DNAH7: variants seen among roughly 807,000 people sequenced by gnomAD.
DNAH7 encodes axonemal beta dynein heavy chain 7.
In DNAH7, 397 loss-of-function variants were observed where a neutral mutation model predicts 444.6. The observed-to-expected ratio is 0.89, with a 90% confidence interval of 0.82 to 0.97. The LOEUF is 0.97. DNAH7 is among the 50% of genes least tolerant of loss of function. The pLI is 0.00. For missense variants in DNAH7, 4,902 were observed against 4,800.8 expected, an observed-to-expected ratio of 1.02 and a Z score of -0.62; for synonymous variants, 1,636 against 1,624.4, an observed-to-expected ratio of 1.01 and a Z score of -0.17.
At chr2:195,938,848 T>C (rs1689232644) in intron 19 of DNAH7, among the ~76,000 whole-genome samples, 1 of 152,092 alleles carries the variant, frequency 6.6e-6, no homozygotes, top group South Asian at 2.1e-4. Flanking sequence ...GATTTAAGAT[T>C]TTAAAATAAA....
intron 19 of DNAH7, among the ~76,000 whole-genome samples, chr2:195,947,376 C>G (rs1309270956): frequency 6.6e-6 from 1 of 151,752 alleles, no homozygotes; most frequent in South Asian, 2.1e-4. Context: ...CACGTGCCAT[C>G]GTGGTTTGCT....
chr2:195,858,341 A>G (rs1699830038), intron 43 of DNAH7, 133 bp downstream of exon 43: 9 of 800,944 alleles, frequency 1.1e-5, no homozygotes, highest in East Asian at 2.9e-5. Context: ...TCTTTTGCCA[A>G]TTTCAAAATG....
intron 48 of DNAH7, 110 bp from the exon 49 acceptor site, chr2:195,824,555 G>T: frequency 1.1e-6 from 1 of 906,806 alleles, no homozygotes; most frequent in Non-Finnish European, 1.6e-6. Flanking sequence ...TCTGTTCCTA[G>T]ATACCTACAA....
chr2:195,803,662 G>A (rs72915107), intron 54 of DNAH7, among the ~76,000 whole-genome samples: 18,269 of 152,154 alleles, frequency 0.12, 1,434 homozygotes, highest in Middle Eastern at 0.25. Flanking sequence ...AGAAGTCTGC[G>A]GTCTTCTATG....
In DNAH7 at chr2:196,001,823, C is replaced by A; in HGVS notation, c.1025G>T (p.Gly342Val). ...AGTTGGCAATTGCTTTTTTTTATTA[C>A]CTTGGTAATAAATATTCTGCACTTC... ...FPEVQNIYYQ[G>V]NKKKQLPTGD... The change falls in exon 11 of 65, where the codon GGT (glycine) becomes GTT (valine). Residue 342 changes from glycine to valine, a missense_variant. Gly to Val is a moderately radical substitution (Grantham distance 109). Coordinates refer to ENST00000312428, the MANE Select transcript of DNAH7 (RefSeq NM_018897.3). 6.2e-7 allele frequency: 1 copy of A among 1,610,188 alleles called. No homozygotes were observed. Among genetic ancestry groups the A allele is most frequent in the Non-Finnish European group, 8.5e-7 (1 of 1,178,662 alleles).
At chr2:195,971,656 T>C (rs1691851014) in intron 16 of DNAH7, among the ~76,000 whole-genome samples, 1 of 152,042 alleles carries the variant, frequency 6.6e-6, no homozygotes. Flanking sequence ...AGCAGACATC[T>C]AGAAGTTGAC....
chr2:195,771,784 A>G lies in DNAH7; in HGVS notation c.11309T>C (p.Met3770Thr), dbSNP rs1402410877. ...AGTATAAGTTGTTGGGTACCTCCTC[A>G]TGGCAGCCTCGATGTCGAAGTTGTT... Reference protein sequence around the residue: ...LPNNFDIEAAMRRYPTTYTQS... With the variant: ...LPNNFDIEAATRRYPTTYTQS... Residue 3770 changes from methionine to threonine, a missense_variant, in exon 61 of 65, where the codon ATG becomes ACG. Transcript: ENST00000312428. The G allele has an allele frequency of 1.2e-6, 2 of 1,614,028 alleles. No homozygotes were observed. Among genetic ancestry groups the G allele is most frequent in the Non-Finnish European group, 8.5e-7 (1 of 1,180,032 alleles).
At chr2:195,884,831 A>G (rs774095566) in intron 34 of DNAH7, 22 bp from the exon 35 acceptor site, 6 of 1,562,902 alleles carry the variant, frequency 3.8e-6, no homozygotes, top group Non-Finnish European at 1.8e-6. Context: ...AGATGAGAAG[A>G]TTAAGAACAA....
chr2:195,899,110 T>C (rs889747654), intron 28 of DNAH7, among the ~76,000 whole-genome samples: 21 of 152,202 alleles, frequency 1.4e-4, no homozygotes, highest in African/African-American at 4.6e-4. Flanking sequence ...AGTTCCCCAA[T>C]GACAGAGCAT....
intron 8 of DNAH7, among the ~76,000 whole-genome samples, chr2:196,019,501 A>G (rs1330760438): frequency 6.6e-6 from 1 of 152,146 alleles, no homozygotes; most frequent in Non-Finnish European, 1.5e-5. Context: ...TGACTCTGAA[A>G]TTAGATTTAA....
intron 14 of DNAH7, among the ~76,000 whole-genome samples, chr2:195,985,036 G>A (rs1298279120): frequency 6.6e-6 from 1 of 152,152 alleles, no homozygotes; most frequent in African/African-American, 2.4e-5. Context: ...GGCTCTAAGA[G>A]AGATTTAGTT....
intron 12 of DNAH7, among the ~76,000 whole-genome samples, chr2:195,990,610 G>T (rs1466952742): frequency 6.6e-6 from 1 of 151,952 alleles, no homozygotes; most frequent in East Asian, 1.9e-4. Context: ...AGCGAGCCAT[G>T]ATCATGCCAC....
At chr2:196,060,257 C>A (rs115684098) in intron 1 of DNAH7, among the ~76,000 whole-genome samples, 1 of 152,036 alleles carries the variant, frequency 6.6e-6, no homozygotes, top group Admixed American at 6.6e-5. Flanking sequence ...AAAAAAACTA[C>A]GTTTCCATTC....
chr2:195,815,073 C>T (rs4850639), intron 51 of DNAH7, among the ~76,000 whole-genome samples: 102,573 of 150,066 alleles, frequency 0.68, 35,778 homozygotes, highest in African/African-American at 0.74. Flanking sequence ...AATTCTTGTC[C>T]CACGGAACTC....
rs564137204 is a variant in DNAH7, at chr2:195,978,378, C to T, written c.1834-5912G>A. Among the ~76,000 whole-genome samples, 107 of 150,912 alleles carry T rather than the reference C, an allele frequency of 7.1e-4. 2 individuals are homozygous for T. The highest frequency in any genetic ancestry group is 1.4e-3 in the East Asian group (7 of 5,164). On this transcript the variant is annotated intron_variant, in intron 15 of 64. Coordinates refer to ENST00000312428, the MANE Select transcript of DNAH7 (RefSeq NM_018897.3). ...TATTATTTGCAAAATTTATGGTAAC[C>T]TCAAATCAATAAACATACAACAGAC...
At chr2:195,948,730 C>T (rs1433265236) in intron 19 of DNAH7, among the ~76,000 whole-genome samples, 1 of 152,134 alleles carries the variant, frequency 6.6e-6, no homozygotes, top group African/African-American at 2.4e-5. Flanking sequence ...TAGCGTGATG[C>T]CTCTTGCTTT....
chr2:195,879,886 T>C (rs1463809872), intron 36 of DNAH7, among the ~76,000 whole-genome samples: 2 of 152,150 alleles, frequency 1.3e-5, no homozygotes, highest in Non-Finnish European at 2.9e-5. Context: ...TTGTATGAAA[T>C]TATAGACTCC....
chr2:195,753,117 C>G (rs781225115), intron 63 of DNAH7, among the ~76,000 whole-genome samples: 1 of 151,966 alleles, frequency 6.6e-6, no homozygotes, highest in Non-Finnish European at 1.5e-5. Flanking sequence ...ATTAAAGGAG[C>G]AAAGCCCTTG....
rs747230864 is a variant in DNAH7 at position 195,864,727 on chromosome 2, G to GTT, written c.6926_6927dup (p.Pro2310AsnfsTer3). 6.2e-7 allele frequency: 1 copy of GTT among 1,614,136 alleles called. No homozygotes were observed. Among genetic ancestry groups the GTT allele is most frequent in the Admixed American group, 1.7e-5 (1 of 59,998 alleles). On this transcript the variant is annotated frameshift_variant, in exon 41 of 65. Transcript: ENST00000312428. LOFTEE classifies it high-confidence loss of function. ...AATCGAAACAAGACAAGGTTCATGG[G>GTT]TTTTTTGCTTATATTGTTGTATTCT...
Sources: allele counts gnomAD v4.1 joint callset (sites outside exome capture counted in the v4.1 genomes callset), GRCh38; gene constraint gnomAD v4.1.1; transcripts MANE v1.5; gene names NCBI Gene and HGNC (gene_info 2026-07-23, HGNC 2026-07-21).